Variants in ARVCF observed in about 807,000 individuals in gnomAD.
ARVCF encodes ARVCF delta catenin family member, also known as splicing regulator ARVCF.
Under a neutral mutation model 90.9 loss-of-function variants are expected in ARVCF, and 66 were observed. The ratio of observed to expected loss-of-function variants is 0.73; its 90% confidence interval spans 0.60 to 0.89. The LOEUF (loss-of-function observed/expected upper bound fraction) is 0.89. ARVCF is among the 40% of genes least tolerant of loss of function. The pLI, the probability that ARVCF is intolerant of heterozygous loss-of-function variation, is 0.00. For missense variants in ARVCF, 1,469 were observed against 1,382.3 expected, an observed-to-expected ratio of 1.06 and a Z score of -1.00; for synonymous variants, 653 against 603.4, an observed-to-expected ratio of 1.08 and a Z score of -1.21.
chr22:19,993,485 C>A (rs973316359), intron 2 of ARVCF, among the ~76,000 whole-genome samples: 1 of 152,180 alleles, frequency 6.6e-6, no homozygotes, highest in Non-Finnish European at 1.5e-5. Flanking sequence ...TGCTAGAGCC[C>A]AGGAGGGCCC....
At chr22:20,011,490 C>T (rs967098522) in intron 1 of ARVCF, among the ~76,000 whole-genome samples, 1 of 151,988 alleles carries the variant, frequency 6.6e-6, no homozygotes, top group Non-Finnish European at 1.5e-5. Context: ...TGTGTTTCCC[C>T]GTCTCACGAC....
chr22:20,016,193 G>A (rs1292291221), intron 1 of ARVCF, among the ~76,000 whole-genome samples: 2 of 152,202 alleles, frequency 1.3e-5, no homozygotes, highest in East Asian at 3.9e-4. Context: ...CCCTCGGGCT[G>A]TTGGAAAGTT....
intron 3 of ARVCF, among the ~76,000 whole-genome samples, chr22:19,989,369 A>C (rs1943941455): frequency 6.6e-6 from 1 of 152,116 alleles, no homozygotes; most frequent in African/African-American, 2.4e-5. Context: ...AGACGTAGGA[A>C]GCATGACGCC....
chr22:20,014,747 T>C (rs1944961068), intron 1 of ARVCF, among the ~76,000 whole-genome samples: 1 of 152,148 alleles, frequency 6.6e-6, no homozygotes, highest in Admixed American at 6.5e-5. Flanking sequence ...GGGTGGTGCC[T>C]GGCATCCGTG....
chr22:19,967,459 C>G (rs1356754107), downstream of ARVCF: 2 of 459,326 alleles, frequency 4.4e-6, no homozygotes, highest in African/African-American at 4.1e-5. Flanking sequence ...CAACTCCGGA[C>G]CTTGGGGCTG....
At chr22:20,002,778 G>A (rs1863170278) in intron 2 of ARVCF, among the ~76,000 whole-genome samples, 1 of 152,152 alleles carries the variant, frequency 6.6e-6, no homozygotes, top group African/African-American at 2.4e-5. Flanking sequence ...TTGTGTCAAG[G>A]GAATAGCAGC....
chr22:20,001,801 A>G (rs998184919), intron 2 of ARVCF, among the ~76,000 whole-genome samples: 1 of 152,180 alleles, frequency 6.6e-6, no homozygotes, highest in Non-Finnish European at 1.5e-5. Flanking sequence ...TCAAAAAAAG[A>G]AAAGAAAGAA....
chr22:19,987,028 C>T (rs1210852709), intron 3 of ARVCF: 1 of 651,338 alleles, frequency 1.5e-6, no homozygotes, highest in Non-Finnish European at 2.8e-6. Flanking sequence ...CGCCCTCTGC[C>T]TCCGACCCCG....
At chr22:19,999,931 A>G (rs1944386456) in intron 2 of ARVCF, among the ~76,000 whole-genome samples, 1 of 152,176 alleles carries the variant, frequency 6.6e-6, no homozygotes, top group Non-Finnish European at 1.5e-5. Context: ...CAAGGGGACA[A>G]AGTCACTTTC....
chr22:20,004,792 G>A (rs1166342866), intron 2 of ARVCF, among the ~76,000 whole-genome samples: 1 of 152,170 alleles, frequency 6.6e-6, no homozygotes, highest in African/African-American at 2.4e-5. Flanking sequence ...CCATTCATTA[G>A]GGAAATGATG....
intron 3 of ARVCF, 27 bp downstream of exon 3, chr22:19,990,558 A>C (rs769601218): frequency 1.9e-6 from 3 of 1,581,900 alleles, no homozygotes; most frequent in Non-Finnish European, 2.6e-6. Flanking sequence ...GGCAATTTTC[A>C]CCCTTCCCAA....
At chr22:19,986,775 G>A (rs537917676) in intron 3 of ARVCF, 1 of 358,540 alleles carries the variant, frequency 2.8e-6, no homozygotes, top group Non-Finnish European at 5.0e-6. Flanking sequence ...GCGTCCATCC[G>A]GTCCGGGCCG....
intron 19 of ARVCF, among the ~76,000 whole-genome samples, 168 bp from the exon 20 acceptor site, chr22:19,970,911 T>G (rs1019366565): frequency 1.3e-5 from 2 of 152,202 alleles, no homozygotes; most frequent in Non-Finnish European, 2.9e-5. Flanking sequence ...GCACCAGGGC[T>G]GATCCTGACT....
At chr22:19,967,033 C>T, downstream of ARVCF, 1 of 1,203,248 alleles carries the variant, frequency 8.3e-7, no homozygotes, top group South Asian at 1.6e-5. Context: ...TGTCGGGCGA[C>T]AGGCAGGACA....
chr22:19,966,178 T>C (rs1270849960), downstream of ARVCF, among the ~76,000 whole-genome samples: 1 of 152,146 alleles, frequency 6.6e-6, no homozygotes, highest in Non-Finnish European at 1.5e-5. Context: ...GGAATGGGTG[T>C]CCTTGTTAAA....
downstream of ARVCF, among the ~76,000 whole-genome samples, chr22:19,966,355 G>A (rs562125892): frequency 2.4e-4 from 37 of 151,392 alleles, no homozygotes; most frequent in Non-Finnish European, 2.8e-4. Flanking sequence ...ATCAAGGGCT[G>A]CTTTGAGGAG....
chr22:19,979,512 G>T, intron 6 of ARVCF: 1 of 654,502 alleles, frequency 1.5e-6, no homozygotes, highest in Non-Finnish European at 2.5e-6. Context: ...GAGGTGAGGG[G>T]ACATGCCCGA....
rs1390187489 is a variant in ARVCF, at chr22:19,981,916, C to T, written c.369+17G>A. Reference sequence around the variant, plus strand: ...CCTGGCCCTGCTCACCCACCCACTGCCTGGGCCTGGCCATACCTTGGTCTC... The same window carrying T: ...CCTGGCCCTGCTCACCCACCCACTGTCTGGGCCTGGCCATACCTTGGTCTC... On this transcript the variant is annotated intron_variant, in intron 4 of 19. Transcript: ENST00000263207. The T allele has an allele frequency of 6.2e-7, 1 of 1,610,398 alleles. No individual in the cohort carries two copies. The highest frequency in any genetic ancestry group is 1.1e-5 in the South Asian group (1 of 90,758).
intron 1 of ARVCF, among the ~76,000 whole-genome samples, chr22:20,012,020 C>G (rs923740358): frequency 1.3e-4 from 20 of 151,894 alleles, no homozygotes; most frequent in Non-Finnish European, 2.6e-4. Flanking sequence ...TGGGTCCCAG[C>G]CAGACAAGGG....
Sources: gnomAD v4.1 joint callset for allele counts (sites outside exome capture counted in the v4.1 genomes callset) on GRCh38, gnomAD v4.1.1 for gene constraint, MANE v1.5 for transcripts, NCBI Gene and HGNC (gene_info 2026-07-23, HGNC 2026-07-21) for gene names.